The following THOC2 variants were observed in gnomAD, a reference collection of about 807,000 sequenced individuals.
THOC2 encodes THO complex 2.
A neutral mutation model predicts 128.4 loss-of-function variants in THOC2; 10 were observed. The observed-to-expected ratio is 0.08, with a 90% CI of 0.05 to 0.13. The LOEUF is 0.13. THOC2 is among the 10% of genes least tolerant of loss of function. The pLI is 1.00. For missense variants in THOC2, 535 were observed against 1,155.7 expected (o/e 0.46, Z 7.79); for synonymous variants, 393 against 396.9 (o/e 0.99, Z 0.12).
intron 19 of THOC2, among the ~76,000 whole-genome samples, 176 bp from the exon 20 acceptor site, chrX:123,634,246 T>C (rs2047591566): frequency 8.9e-6 from 1 of 112,118 alleles, no homozygotes; most frequent in Admixed American, 9.5e-5. Context: ...ACTTGGTGCG[T>C]AAGTTTATTT....
chrX:123,665,751 T>C lies in THOC2; in HGVS notation c.1277A>G (p.Asp426Gly), dbSNP rs1040603389. The change falls in exon 12 of 39, where the codon GAT becomes GGT. Residue 426 changes from aspartate (D) to glycine (G), a missense_variant. Physicochemically the swap from Asp to Gly is moderately conservative, Grantham distance 94. Transcript: ENST00000245838. The part of the protein sequence containing the change: ...RAPKQAESFE[D>G]LRRDVFNMFC... ...CATATTGAACACGTCTCTCCTCAAA[T>C]CTTCAAAGCTCTCAGCTTGTTTTGG... is the stretch of plus-strand genomic sequence containing the variant. The C allele has an allele frequency of 8.3e-7, 1 of 1,204,258 alleles. No homozygotes were observed. Among genetic ancestry groups the C allele is most frequent in the Non-Finnish European group, 1.1e-6 (1 of 891,356 alleles).
chrX:123,624,042 A>G lies in THOC2; in HGVS notation c.3318+18T>C. 8.5e-7 allele frequency: 1 copy of G among 1,182,344 alleles called. No individual in the cohort carries two copies. Among genetic ancestry groups the G allele is most frequent in the Non-Finnish European group, 1.1e-6 (1 of 886,099 alleles). On this transcript the variant is annotated intron_variant, in intron 27 of 38. Transcript: ENST00000245838. ...ACAGAGAAAAATTTGCCTTTGAAAA[A>G]TCCAATTTTTTTTTTACCTTGGTTA... is the stretch of plus-strand genomic sequence containing the variant.
intron 36 of THOC2, among the ~76,000 whole-genome samples, chrX:123,612,557 T>C (rs1463765851): frequency 1.8e-5 from 2 of 111,374 alleles, no homozygotes; most frequent in African/African-American, 6.5e-5. Flanking sequence ...TAAATGGGTA[T>C]AGAGTTTTCT....
At chrX:123,725,616 CA>C (rs56708326) in intron 1 of THOC2, among the ~76,000 whole-genome samples, 43 of 32,754 alleles carry the variant, frequency 1.3e-3, no homozygotes, top group South Asian at 7.5e-3. Flanking sequence ...GACCCTATCT[CA>C]AAAAAAAAAA....
At chrX:123,650,685 C>A (rs1440219533) in intron 12 of THOC2, among the ~76,000 whole-genome samples, 1 of 111,457 alleles carries the variant, frequency 9.0e-6, no homozygotes. Context: ...GACGTTAAAA[C>A]AACAAAGATC....
At chrX:123,663,636 T>A (rs1366414041) in intron 12 of THOC2, among the ~76,000 whole-genome samples, 2 of 110,210 alleles carry the variant, frequency 1.8e-5, no homozygotes, top group African/African-American at 3.3e-5. Context: ...TTTTTTTTTT[T>A]ATACTTCAAG....
intron 12 of THOC2, among the ~76,000 whole-genome samples, chrX:123,662,730 C>T (rs1248002438): frequency 3.6e-5 from 4 of 111,437 alleles, no homozygotes; most frequent in African/African-American, 1.3e-4. Context: ...TAAGGCCTTG[C>T]ATCCAGAATA....
rs749420882 is a variant in THOC2, at chrX:123,633,265, AC to A, written c.2137-226del. Among the ~76,000 whole-genome samples, 3 of 111,911 alleles carry A rather than the reference AC, an allele frequency of 2.7e-5. No homozygotes were observed. In the South Asian group the frequency reaches 1.1e-3, roughly 42 times the overall value. On this transcript the variant is annotated intron_variant, in intron 20 of 38. Transcript: ENST00000245838. ...AATTTCTGCATATTTTCCATTTTCC[AC>A]CTTGCAGTCCCCTCATAAAGGATTA...
chrX:123,715,784 C>CA (rs765556592), intron 1 of THOC2, among the ~76,000 whole-genome samples: 5,852 of 37,818 alleles, frequency 0.15, 291 homozygotes, highest in East Asian at 0.33. Context: ...GACCTTGTCT[C>CA]AAAAAAAAAA....
chrX:123,703,521 T>C lies in THOC2; in HGVS notation c.223-16A>G. On this transcript the variant is annotated splice_polypyrimidine_tract_variant and intron_variant, in intron 3 of 38. Transcript: ENST00000245838. ...CACGAAATTCCTAATTTTAAAAATA[T>C]AATTACAATAAATAGCAAAAAAGCA... 9.4e-7 allele frequency: 1 copy of C among 1,068,087 alleles called. No homozygotes were observed. Among genetic ancestry groups the C allele is most frequent in the East Asian group, 3.1e-5 (1 of 32,698 alleles). The allele number at this position is 1,068,087 out of a possible 1,213,427, so 88.0% of individuals were successfully genotyped here.
intron 12 of THOC2, among the ~76,000 whole-genome samples, chrX:123,656,929 G>A (rs189820494): frequency 9.1e-6 from 1 of 110,279 alleles, no homozygotes; most frequent in East Asian, 2.8e-4. Context: ...AGAACTCCTT[G>A]AACCCAGGGG....
At chrX:123,624,742 C>G (rs2047199316) in intron 25 of THOC2, 73 bp from the exon 26 acceptor site, 1 of 996,980 alleles carries the variant, frequency 1.0e-6, no homozygotes, top group Admixed American at 2.4e-5. Context: ...AGAAGATTCT[C>G]TTACAGCAAG....
chrX:123,620,454 G>A (rs1278061407), intron 32 of THOC2: 2 of 113,817 alleles, frequency 1.8e-5, no homozygotes, highest in East Asian at 5.5e-4. Flanking sequence ...TTCTTAGAAG[G>A]CACACATCGG....
chrX:123,714,513 T>C (rs183536569), intron 1 of THOC2, among the ~76,000 whole-genome samples: 1 of 111,848 alleles, frequency 8.9e-6, no homozygotes, highest in East Asian at 2.8e-4. Flanking sequence ...AAGAAACAAA[T>C]AGACACCAAC....
At chrX:123,717,176 T>C (rs2051460684) in intron 1 of THOC2, among the ~76,000 whole-genome samples, 1 of 111,445 alleles carries the variant, frequency 9.0e-6, no homozygotes, top group South Asian at 3.7e-4. Context: ...ATCTTATATT[T>C]AGAAAATCCT....
At chrX:123,676,795 C>A (rs1054713757) in intron 8 of THOC2, among the ~76,000 whole-genome samples, 1 of 111,404 alleles carries the variant, frequency 9.0e-6, no homozygotes, top group Admixed American at 9.5e-5. Flanking sequence ...TCTCCTGAAC[C>A]CTTTCTCTTC....
intron 2 of THOC2, among the ~76,000 whole-genome samples, chrX:123,707,518 T>A (rs1401210366): frequency 8.9e-6 from 1 of 111,812 alleles, no homozygotes; most frequent in Non-Finnish European, 1.9e-5. Flanking sequence ...AAAAAATACA[T>A]GTATAAAATG....
chrX:123,703,450 C>A lies in THOC2; in HGVS notation c.274+4G>T. The A allele has an allele frequency of 1.7e-6, 2 of 1,149,373 alleles. No individual in the cohort carries two copies. The highest frequency in any genetic ancestry group is 2.4e-6 in the Non-Finnish European group (2 of 844,335). 94.7% of individuals were successfully genotyped at this position (1,149,373 alleles called of 1,213,427 possible). On this transcript the variant is annotated splice_donor_region_variant and intron_variant, in intron 4 of 38. Transcript: ENST00000245838. ...TACAGGTGAAATAAAGGCTTAATAC[C>A]TACCTAATATGCAGAATACATCAGC...
At chrX:123,693,567 T>C (rs2050319056) in intron 7 of THOC2, among the ~76,000 whole-genome samples, 1 of 111,046 alleles carries the variant, frequency 9.0e-6, no homozygotes, top group African/African-American at 3.3e-5. Flanking sequence ...TCTAAAATTC[T>C]CCATATCAGG....
Sources: allele counts gnomAD v4.1 joint callset (sites outside exome capture counted in the v4.1 genomes callset), GRCh38; gene constraint gnomAD v4.1.1; transcripts MANE v1.5; gene names NCBI Gene and HGNC (gene_info 2026-07-23, HGNC 2026-07-21).